MGST1: variants seen among roughly 807,000 people sequenced by gnomAD.
MGST1 encodes microsomal glutathione S-transferase 1, also known as glutathione S-transferase 12.
A neutral mutation model predicts 8.9 loss-of-function variants in MGST1; 5 were observed. The ratio of observed to expected loss-of-function variants is 0.56; its 90% CI spans 0.29 to 1.19. The LOEUF (loss-of-function observed/expected upper bound fraction) is 1.19, where lower values mean the gene tolerates loss of function less well. Ranked by LOEUF, MGST1 falls within the 50% of genes most tolerant of loss-of-function variation. MGST1 has a pLI of 0.08. For missense variants in MGST1, 182 were observed against 187.4 expected, an observed-to-expected ratio of 0.97 and a Z score of 0.17; for synonymous variants, 54 against 67.8, an observed-to-expected ratio of 0.80 and a Z score of 1.00.
In MGST1 at chr12:16,401,197, A is replaced by T. The variant is rs562626976; in HGVS notation, n.778+17593A>T. ...AACAGTAGCTGGGCCATCCTCATCC[A>T]TAAGCACTGTGTCACTAAGGAACAG... On this transcript the variant is annotated intron_variant and non_coding_transcript_variant, in intron 1 of 1. Transcript: ENST00000359720. The surrounding 1 kb of genome is among the most constrained non-coding windows in gnomAD (Gnocchi z 4.3). The T allele has an allele frequency of 3.0e-5, 47 of 1,558,258 alleles. No homozygotes were observed. In the Admixed American group the frequency reaches 5.2e-4, roughly 17 times the overall value.
chr12:16,473,691 G>C (rs1206030306), intron 4 of MGST1, among the ~76,000 whole-genome samples: 1 of 152,040 alleles, frequency 6.6e-6, no homozygotes, highest in Admixed American at 6.6e-5. Flanking sequence ...TCATTTCCTT[G>C]TATAATGACT....
chr12:16,400,033 A>G, intron 1 of MGST1: 1 of 1,571,822 alleles, frequency 6.4e-7, no homozygotes, highest in Non-Finnish European at 8.8e-7. Context: ...CCTAAAAGGC[A>G]CTTCAAATTC....
At chr12:16,373,761 AT>A (rs1284099776) in intron 3 of MGST1, among the ~76,000 whole-genome samples, 1 of 152,032 alleles carries the variant, frequency 6.6e-6, no homozygotes, top group Non-Finnish European at 1.5e-5. Context: ...GTCCTCTTAT[AT>A]TTGCCCCAAA....
chr12:16,483,594 A>G (rs183217766), intron 4 of MGST1, among the ~76,000 whole-genome samples: 129 of 152,306 alleles, frequency 8.5e-4, no homozygotes, highest in African/African-American at 3.0e-3. Flanking sequence ...ATATTATTAG[A>G]GACTCTAAAA....
At chr12:16,450,702 A>G (rs1013198915) in intron 4 of MGST1, among the ~76,000 whole-genome samples, 4 of 151,988 alleles carry the variant, frequency 2.6e-5, no homozygotes, top group Non-Finnish European at 4.4e-5. Context: ...TGATGTGCTA[A>G]TGAAGTCACT....
downstream of MGST1, among the ~76,000 whole-genome samples, chr12:16,378,414 A>C (rs1466886453): frequency 9.8e-4 from 143 of 145,254 alleles, no homozygotes; most frequent in Non-Finnish European, 8.8e-4. Context: ...ATCCTTTCCC[A>C]ATTTCTTGTT....
chr12:16,386,692 A>G (rs1005231642), intron 1 of MGST1, among the ~76,000 whole-genome samples: 4 of 152,210 alleles, frequency 2.6e-5, no homozygotes, highest in African/African-American at 9.6e-5. Flanking sequence ...AACTGTGTAC[A>G]GTAGGCCCCC....
intron 4 of MGST1, among the ~76,000 whole-genome samples, chr12:16,526,639 G>T (rs1440015422): frequency 6.6e-6 from 1 of 151,910 alleles, no homozygotes; most frequent in African/African-American, 2.4e-5. Context: ...TGCCATAAAG[G>T]AATTTTGAGT....
intron 3 of MGST1, among the ~76,000 whole-genome samples, chr12:16,373,480 AAT>A (rs1940331396): frequency 6.6e-6 from 1 of 152,088 alleles, no homozygotes; most frequent in Non-Finnish European, 1.5e-5. Flanking sequence ...ATTAGATTAT[AAT>A]ATGATTGTAT....
intron 1 of MGST1, among the ~76,000 whole-genome samples, chr12:16,425,892 A>G (rs1033839997): frequency 2.6e-5 from 4 of 152,198 alleles, no homozygotes; most frequent in Admixed American, 2.6e-4. Context: ...CTCTCAACCC[A>G]GGGAGTTAAT....
chr12:16,575,810 A>G (rs1036494916), intron 4 of MGST1, among the ~76,000 whole-genome samples: 1 of 33,112 alleles, frequency 3.0e-5, no homozygotes, highest in Non-Finnish European at 5.7e-5. Flanking sequence ...CTTATACATA[A>G]AGCTAAATTC....
chr12:16,348,509 T>G (rs1939302074), intron 1 of MGST1, among the ~76,000 whole-genome samples: 1 of 152,174 alleles, frequency 6.6e-6, no homozygotes, highest in Non-Finnish European at 1.5e-5. Context: ...GTCTCTCTGC[T>G]TCTCTTGAAA....
Position 16,582,035 on chromosome 12 carries a change from T to G in MGST1, n.483-7493T>G, listed in dbSNP as rs1943176090. Among the ~76,000 whole-genome samples the G allele has an allele frequency of 6.6e-6, 1 of 152,204 alleles. No homozygotes were observed. ...GCTAGACCCTTTAAAACATTAAATATGAGGGACAATAATGAGTATCCCTGG... is the reference window on the plus strand; with the variant it reads ...GCTAGACCCTTTAAAACATTAAATAGGAGGGACAATAATGAGTATCCCTGG... On this transcript the variant is annotated intron_variant and non_coding_transcript_variant, in intron 4 of 4. Coordinates refer to the MGST1 transcript ENST00000538857. The surrounding 1 kb of genome is among the most constrained non-coding windows in gnomAD (Gnocchi z 4.1).
intron 4 of MGST1, among the ~76,000 whole-genome samples, chr12:16,505,453 T>A (rs1470131145): frequency 1.3e-5 from 2 of 152,094 alleles, no homozygotes; most frequent in African/African-American, 4.8e-5. Context: ...CATCAAAACT[T>A]TATCAAGTTC....
chr12:16,513,604 G>T lies in MGST1; in HGVS notation n.483-75924G>T. The stretch of plus-strand genomic sequence containing the variant: ...AGTTAGTGCCTACAGGGACCACAAC[G>T]GAAAGCCTTACAGCATCCACAAGGC... On this transcript the variant is annotated intron_variant and non_coding_transcript_variant, in intron 4 of 4. Coordinates refer to the MGST1 transcript ENST00000538857. The surrounding 1 kb of genome is among the most constrained non-coding windows in gnomAD (Gnocchi z 4.2). 1 of 494,384 alleles carries T rather than the reference G, an allele frequency of 2.0e-6. No individual in the cohort carries two copies. Among genetic ancestry groups the T allele is most frequent in the Non-Finnish European group, 4.1e-6 (1 of 242,472 alleles). The allele number at this position is 494,384 out of a possible 1,614,324, so 30.6% of individuals were successfully genotyped here.
Position 16,560,774 on chromosome 12 carries a change from T to C in MGST1, n.483-28754T>C. The C allele has an allele frequency of 1.8e-6, 1 of 540,634 alleles. No homozygotes were observed. The highest frequency in any genetic ancestry group is 3.4e-6 in the Non-Finnish European group (1 of 293,258). The allele number at this position is 540,634 out of a possible 1,614,324, so 33.5% of individuals were successfully genotyped here. A position where few individuals can be genotyped will look rare whatever the true frequency, so the allele number is the denominator to read the frequency against. On this transcript the variant is annotated intron_variant and non_coding_transcript_variant, in intron 4 of 4. Transcript: ENST00000538857. The surrounding 1 kb of genome is among the most constrained non-coding windows in gnomAD (Gnocchi z 5.0). ...GAAGAAAAGGAAAAGACAAATACAT[T>C]AGGAAGCTTACGTAACTGCACATAA... is the stretch of plus-strand genomic sequence containing the variant.
intron 4 of MGST1, chr12:16,550,317 C>CT (rs1457003701): frequency 6.6e-6 from 1 of 152,358 alleles, no homozygotes; most frequent in Non-Finnish European, 1.5e-5. Context: ...TAAAAATCAT[C>CT]TCATAATTGT....
intron 4 of MGST1, among the ~76,000 whole-genome samples, chr12:16,569,057 T>A (rs1942719719): frequency 6.6e-6 from 1 of 152,200 alleles, no homozygotes; most frequent in Admixed American, 6.5e-5. Context: ...AGTTTCAGGC[T>A]TACTCAGTGT....
intron 3 of MGST1, among the ~76,000 whole-genome samples, chr12:16,360,783 G>A (rs567063726): frequency 1.3e-5 from 2 of 152,304 alleles, no homozygotes; most frequent in East Asian, 1.9e-4. Context: ...TGGAGTCTAA[G>A]TGACACTTGC....
Sources: allele counts gnomAD v4.1 joint callset (sites outside exome capture counted in the v4.1 genomes callset), GRCh38; gene constraint gnomAD v4.1.1; non-coding constraint Gnocchi (gnomAD v3.1); transcripts MANE v1.5; gene names NCBI Gene and HGNC (gene_info 2026-07-23, HGNC 2026-07-21).